Variants in MYO5B observed in about 807,000 individuals in gnomAD.
The protein encoded by MYO5B is myosin VB.
A neutral mutation model predicts 229.3 loss-of-function variants in MYO5B; 143 were observed. The ratio of observed to expected loss-of-function variants is 0.62; its 90% CI spans 0.54 to 0.72. The LOEUF is 0.72. Ranked by LOEUF, MYO5B falls within the 30% of genes least tolerant of loss-of-function variation. MYO5B has a pLI of 0.00. For synonymous variants in MYO5B, 918 were observed against 885.2 expected (o/e 1.04, Z -0.66); for missense variants, 2,321 against 2,331.0 (o/e 1.00, Z 0.09).
At chr18:50,008,140 T>A (rs899283982) in intron 4 of MYO5B, among the ~76,000 whole-genome samples, 2 of 152,200 alleles carry the variant, frequency 1.3e-5, no homozygotes, top group African/African-American at 4.8e-5. Flanking sequence ...AAACTTAGCC[T>A]CAGTGTAAGT....
chr18:50,138,778 C>T (rs2032374465), intron 1 of MYO5B, among the ~76,000 whole-genome samples: 1 of 152,182 alleles, frequency 6.6e-6, no homozygotes, highest in African/African-American at 2.4e-5. Flanking sequence ...AGAAATAGTA[C>T]CCCATTTCCT....
chr18:49,865,498 T>C (rs1346546212), intron 27 of MYO5B, among the ~76,000 whole-genome samples: 1 of 152,196 alleles, frequency 6.6e-6, no homozygotes, highest in East Asian at 1.9e-4. Context: ...ATCCCCTCAG[T>C]GCCTGGGTGA....
chr18:49,873,094 T>C (rs565812759), intron 26 of MYO5B, among the ~76,000 whole-genome samples: 41 of 152,358 alleles, frequency 2.7e-4, no homozygotes, highest in Middle Eastern at 3.4e-3. Flanking sequence ...CACTCTGTAA[T>C]GCTGTCTGAC....
intron 1 of MYO5B, among the ~76,000 whole-genome samples, chr18:50,183,751 C>CGGG (rs2033109272): frequency 1.4e-5 from 2 of 147,368 alleles, no homozygotes; most frequent in South Asian, 4.5e-4. Context: ...GGGTGGGAGG[C>CGGG]GGGGCCTAGT....
intron 5 of MYO5B, 141 bp from the exon 6 acceptor site, chr18:49,992,572 G>A: frequency 2.4e-6 from 3 of 1,262,540 alleles, no homozygotes; most frequent in South Asian, 2.5e-5. Context: ...AATGAACTGA[G>A]CTAAAGAATA....
chr18:49,860,670 T>C (rs1230372594), intron 29 of MYO5B, among the ~76,000 whole-genome samples: 2 of 152,222 alleles, frequency 1.3e-5, no homozygotes, highest in Non-Finnish European at 2.9e-5. Flanking sequence ...TTAAAGAGGC[T>C]ATGACTGGGA....
chr18:50,037,599 T>C (rs562682485), intron 3 of MYO5B, among the ~76,000 whole-genome samples: 10 of 152,232 alleles, frequency 6.6e-5, no homozygotes, highest in Admixed American at 1.3e-4. Context: ...GGAAAAATGA[T>C]GAATTGTGCG....
At chr18:49,965,849 A>C (rs1247082740) in intron 10 of MYO5B, among the ~76,000 whole-genome samples, 1 of 152,180 alleles carries the variant, frequency 6.6e-6, no homozygotes, top group Non-Finnish European at 1.5e-5. Context: ...GAGGTATTTG[A>C]GCTCATAGTG....
At position 50,040,212 on chromosome 18, in the gene MYO5B, G is replaced by T. The variant is rs767154177; in HGVS notation, c.241C>A (p.His81Asn). ...ENDLTALSYL[H>N]EPAVLHNLKV... Reference sequence around the variant, plus strand: ...AAATTATGCAAAACTGCAGGCTCATGAAGATAGCTAAGGGCAGTCAGGTCA... The same window carrying T: ...AAATTATGCAAAACTGCAGGCTCATTAAGATAGCTAAGGGCAGTCAGGTCA... Residue 81 changes from histidine to asparagine, a missense_variant, in exon 3 of 40, where the codon CAT becomes AAT. Transcript: ENST00000285039. 2 of 1,614,138 alleles carry T rather than the reference G, an allele frequency of 1.2e-6. No individual in the cohort carries two copies. Among genetic ancestry groups the T allele is most frequent in the Non-Finnish European group, 1.7e-6 (2 of 1,180,008 alleles).
chr18:50,052,705 T>A (rs1421605743), intron 2 of MYO5B, among the ~76,000 whole-genome samples: 12 of 142,642 alleles, frequency 8.4e-5, no homozygotes, highest in Non-Finnish European at 9.2e-5. Context: ...TAAAGTATAA[T>A]AAAAAAAAAA....
chr18:50,040,465 C>G, intron 2 of MYO5B, 151 bp from the exon 3 acceptor site: 1 of 878,202 alleles, frequency 1.1e-6, no homozygotes, highest in South Asian at 1.5e-5. Flanking sequence ...GAACAAAATA[C>G]CTGTGTTGCC....
intron 33 of MYO5B, among the ~76,000 whole-genome samples, chr18:49,845,822 G>C (rs939472367): frequency 6.6e-6 from 1 of 152,196 alleles, no homozygotes; most frequent in African/African-American, 2.4e-5. Flanking sequence ...CACAAGACTG[G>C]AGGGGAGGGA....
intron 9 of MYO5B, among the ~76,000 whole-genome samples, chr18:49,976,702 TG>T (rs2025754952): frequency 6.6e-6 from 1 of 152,206 alleles, no homozygotes; most frequent in Admixed American, 6.5e-5. Flanking sequence ...CAGCTTGGTT[TG>T]GGCCGGGTGG....
At position 49,879,018 on chromosome 18, in the gene MYO5B, T is replaced by C. The variant is rs200799466; in HGVS notation, c.3203A>G (p.Gln1068Arg). 8.7e-6 allele frequency: 14 copies of C among 1,612,684 alleles called. No individual in the cohort carries two copies. Among genetic ancestry groups the C allele is most frequent in the Non-Finnish European group, 1.2e-5 (14 of 1,179,804 alleles). Reference protein sequence around the residue: ...KELEEERSRYQNLVKEYSQLE... With the variant: ...KELEEERSRYRNLVKEYSQLE... ...CTGTGAATATTCCTTCACAAGGTTC[T>C]GGTACCGGGATCGCTCCTCCTCCAG... The change falls in exon 24 of 40, where the codon CAG (glutamine) becomes CGG (arginine). Residue 1068 changes from glutamine to arginine, a missense_variant. Gln to Arg is a conservative substitution (Grantham distance 43). Around this residue, in one of 2 missense-constraint regions of MYO5B, gnomAD observed 2,113 missense variants for 2,044.7 expected, o/e 1.03. Transcript: ENST00000285039.
intron 30 of MYO5B, among the ~76,000 whole-genome samples, chr18:49,855,740 GA>G (rs2024254709): frequency 1.3e-5 from 2 of 152,210 alleles, no homozygotes; most frequent in East Asian, 3.8e-4. Context: ...GGCCACATCT[GA>G]ACCCAGAGAA....
chr18:49,879,278 T>C (rs2024560865), intron 23 of MYO5B, 188 bp from the exon 24 acceptor site: 1 of 674,984 alleles, frequency 1.5e-6, no homozygotes, highest in Non-Finnish European at 2.6e-6. Context: ...GGCTTAGTCT[T>C]CAGAGAGGGA....
chr18:50,086,258 T>G (rs16951494), intron 1 of MYO5B, among the ~76,000 whole-genome samples: 16,108 of 152,120 alleles, frequency 0.11, 1,668 homozygotes, highest in African/African-American at 0.27. Flanking sequence ...CCTTTTCTCT[T>G]TCCCAAAAGA....
At chr18:49,885,416 C>A (rs1440411419) in intron 22 of MYO5B, among the ~76,000 whole-genome samples, 3 of 152,098 alleles carry the variant, frequency 2.0e-5, no homozygotes, top group Non-Finnish European at 4.4e-5. Context: ...CATACAGACC[C>A]CTGAGTACCC....
intron 1 of MYO5B, among the ~76,000 whole-genome samples, chr18:50,184,994 G>T (rs2033128064): frequency 6.6e-6 from 1 of 151,986 alleles, no homozygotes; most frequent in African/African-American, 2.4e-5. Context: ...AGGATTGCTT[G>T]AGCCTAGGAG....
Sources: allele counts gnomAD v4.1 joint callset (sites outside exome capture counted in the v4.1 genomes callset), GRCh38; gene constraint gnomAD v4.1.1; regional missense constraint gnomAD v4.1.1; transcripts MANE v1.5; gene names NCBI Gene and HGNC (gene_info 2026-07-23, HGNC 2026-07-21).